The following TIE1 variants were observed in gnomAD, a reference collection of about 807,000 sequenced individuals.
TIE1 encodes tyrosine-protein kinase receptor Tie-1.
Under a neutral mutation model 130.5 loss-of-function variants are expected in TIE1, and 89 were observed. The ratio of observed to expected loss-of-function variants is 0.68; its 90% confidence interval spans 0.57 to 0.81. The LOEUF is 0.81. Among genes scored for constraint, TIE1 ranks in the 40% least tolerant of loss-of-function variants. The pLI, the probability that TIE1 is intolerant of heterozygous loss-of-function variation, is 0.00. For synonymous variants in TIE1, 568 were observed against 629.4 expected, an observed-to-expected ratio of 0.90 and a Z score of 1.46; for missense variants, 1,392 against 1,559.8, an observed-to-expected ratio of 0.89 and a Z score of 1.81.
chr1:43,318,000 C>A lies in TIE1; in HGVS notation c.2850C>A (p.Thr950=), dbSNP rs138275803. 14 of 1,601,944 alleles carry A rather than the reference C, an allele frequency of 8.7e-6. No homozygotes were observed. The highest frequency in any genetic ancestry group is 4.5e-5 in the East Asian group (2 of 44,752). Residue 950 remains threonine, a synonymous_variant, in exon 17 of 23, where the codon ACC becomes ACA. Transcript: ENST00000372476. The surrounding 1 kb of genome is among the most constrained non-coding windows in gnomAD (Gnocchi z 5.1). ...AFAREHGTAS[T]LSSRQLLRFA... ...CTCGAGAGCATGGGACAGCCTCTACCCTTAGCTCCCGGCAGCTGCTGCGTT... is the reference window on the plus strand; with the variant it reads ...CTCGAGAGCATGGGACAGCCTCTACACTTAGCTCCCGGCAGCTGCTGCGTT...
rs1646801438 is a variant in TIE1 at position 43,312,064 on chromosome 1, G to C, written c.1563G>C (p.Leu521=). The part of the protein sequence containing the change: ...PKTGYSVRVQ[L]SRPGEGGEGA... ...CAGGATACAGTGTTCGTGTGCAGCT[G>C]AGCCGGCCAGGGGAAGGAGGAGAGG... The change falls in exon 11 of 23, where the codon CTG becomes CTC. Residue 521 remains leucine (L), a synonymous_variant. Coordinates refer to ENST00000372476, the MANE Select transcript of TIE1 (RefSeq NM_005424.5). The surrounding 1 kb of genome is among the most constrained non-coding windows in gnomAD (Gnocchi z 5.6). 1 of 1,606,502 alleles carries C rather than the reference G, an allele frequency of 6.2e-7. No homozygotes were observed. The highest frequency in any genetic ancestry group is 1.3e-5 in the African/African-American group (1 of 74,768).
chr1:43,310,899 T>C (rs900843319), intron 9 of TIE1, among the ~76,000 whole-genome samples: 1 of 152,162 alleles, frequency 6.6e-6, no homozygotes, highest in African/African-American at 2.4e-5. Flanking sequence ...TCCCTCCCTC[T>C]TTCCTTCCTT....
chr1:43,311,790 C>T lies in TIE1; in HGVS notation c.1453C>T (p.Arg485Trp), dbSNP rs757030245. The change falls in exon 10 of 23, where the codon CGG becomes TGG. Residue 485 changes from arginine (R) to tryptophan (W), a missense_variant. Arg to Trp is a moderately radical substitution (Grantham distance 101). Transcript: ENST00000372476. ...CATCTCCACTGTCCGCCTGCACTAC[C>T]GGCCCCAGGACAGTACCATGGACTG... The part of the protein sequence containing the change: ...GPISTVRLHY[R>W]PQDSTMDWST... The T allele has an allele frequency of 5.9e-5, 95 of 1,613,996 alleles. No individual in the cohort carries two copies. Among genetic ancestry groups the T allele is most frequent in the Non-Finnish European group, 7.8e-5 (92 of 1,179,994 alleles).
rs764917501 is a variant in TIE1 at position 43,307,811 on chromosome 1, A to G, written c.929A>G (p.His310Arg). 8 of 1,613,800 alleles carry G rather than the reference A, an allele frequency of 5.0e-6. No homozygotes were observed. The highest frequency in any genetic ancestry group is 1.6e-4 in the Middle Eastern group (1 of 6,084). Residue 310 changes from histidine to arginine, a missense_variant, in exon 7 of 23, where the codon CAT (histidine) becomes CGT (arginine). Physicochemically the swap from His to Arg is conservative, Grantham distance 29. Around this residue, in one of 6 missense-constraint regions of TIE1, gnomAD observed 28 missense variants for 54.7 expected, o/e 0.51. Transcript: ENST00000372476. This position sits in a 1 kb window ranked among gnomAD's most constrained non-coding sequence, Gnocchi z 5.4. The stretch of plus-strand genomic sequence containing the variant: ...CTATTCCCAGCTTGTGCCCCTGGTC[A>G]TTTTGGGGCTGATTGCCGACTCCAG... ...SQCQEACAPG[H>R]FGADCRLQCQ...
In TIE1 at chr1:43,318,194, T is replaced by A. The variant is rs1646880133; in HGVS notation, c.2922+122T>A. 6.3e-6 allele frequency: 8 copies of A among 1,277,646 alleles called. No individual in the cohort carries two copies. Among genetic ancestry groups the A allele is most frequent in the Non-Finnish European group, 8.4e-6 (8 of 950,002 alleles). 79.1% of individuals were successfully genotyped at this position (1,277,646 alleles called of 1,614,324 possible). ...GAGGTTCCTGGCCCAAGTGTGTGGG[T>A]GGGTGCAAGCACAGCGAGGAGGCAG... On this transcript the variant is annotated intron_variant, in intron 17 of 22. Coordinates refer to ENST00000372476, the MANE Select transcript of TIE1 (RefSeq NM_005424.5). The surrounding 1 kb of genome is among the most constrained non-coding windows in gnomAD (Gnocchi z 4.4).
In TIE1 at chr1:43,304,857, C is replaced by G; in HGVS notation, c.65C>G (p.Ala22Gly). 1 of 1,420,126 alleles carries G rather than the reference C, an allele frequency of 7.0e-7. No individual in the cohort carries two copies. Among genetic ancestry groups the G allele is most frequent in the East Asian group, 2.6e-5 (1 of 37,770 alleles). 88.0% of individuals were successfully genotyped at this position (1,420,126 alleles called of 1,614,324 possible). Residue 22 changes from alanine to glycine, a missense_variant, in exon 2 of 23, where the codon GCG (alanine) becomes GGG (glycine). By Grantham distance (60) the Ala-to-Gly change is moderately conservative. Transcript: ENST00000372476. ...ILFLASHVGA[A>G]VDLTLLANLR... Reference sequence around the variant, plus strand: ...ACTGGTGTCCTGGCCCCAGGCGCGGCGGTGGACCTGACGCTGCTGGCCAAC... The same window carrying G: ...ACTGGTGTCCTGGCCCCAGGCGCGGGGGTGGACCTGACGCTGCTGGCCAAC...
In TIE1 at chr1:43,312,408, C is replaced by T. The variant is rs1271833051; in HGVS notation, c.1734C>T (p.Asp578=). ...TGGTGCCCGGGCCACTGGTGGGCGA[C>T]GGTTTCCTGCTGCGCCTGTGGGACG... ...LPLVPGPLVG[D]GFLLRLWDGT... is the part of the protein sequence containing the mutation. The change falls in exon 12 of 23, where the codon GAC becomes GAT. Residue 578 remains aspartate (D), a synonymous_variant. Transcript: ENST00000372476. This position sits in a 1 kb window ranked among gnomAD's most constrained non-coding sequence, Gnocchi z 5.6. 2.7e-5 allele frequency: 43 copies of T among 1,608,362 alleles called. No homozygotes were observed. The highest frequency in any genetic ancestry group is 3.7e-5 in the Non-Finnish European group (43 of 1,177,654).
At position 43,317,648 on chromosome 1, in the gene TIE1, A is replaced by G; in HGVS notation, c.2705A>G (p.Asn902Ser). The G allele has an allele frequency of 6.3e-7, 1 of 1,599,656 alleles. No homozygotes were observed. The highest frequency in any genetic ancestry group is 8.5e-7 in the Non-Finnish European group (1 of 1,171,760). Residue 902 changes from asparagine to serine, a missense_variant, in exon 16 of 23, where the codon AAC (asparagine) becomes AGC (serine). Asn to Ser is a conservative substitution (Grantham distance 46). This residue lies in a region of TIE1 where 286 missense variants were observed against 354.4 expected (regional missense o/e 0.81). Transcript: ENST00000372476. The surrounding 1 kb of genome is among the most constrained non-coding windows in gnomAD (Gnocchi z 5.1). Reference protein sequence around the residue: ...CKLGHHPNIINLLGACKNRGY... With the variant: ...CKLGHHPNIISLLGACKNRGY... ...TTGGGGCATCACCCCAACATCATCA[A>G]CCTCCTGGGGGCCTGTAAGAACCGA...
intron 1 of TIE1, among the ~76,000 whole-genome samples, chr1:43,301,551 G>T (rs1309212226): frequency 2.0e-5 from 3 of 152,188 alleles, no homozygotes; most frequent in Non-Finnish European, 2.9e-5. Flanking sequence ...AATCACATTG[G>T]GTTATATGCT....
Position 43,313,707 on chromosome 1 carries a change from G to A in TIE1, c.2219-71G>A. 1 of 1,483,514 alleles carries A rather than the reference G, an allele frequency of 6.7e-7. No homozygotes were observed. The highest frequency in any genetic ancestry group is 9.1e-7 in the Non-Finnish European group (1 of 1,101,400). 91.9% of individuals were successfully genotyped at this position (1,483,514 alleles called of 1,614,324 possible). ...TGGGATCTTTCACCTCTCCCTCTGT[G>A]TAACCCCATGGTGGCCTCTGGGTTC... is the stretch of plus-strand genomic sequence containing the variant. On this transcript the variant is annotated intron_variant, in intron 13 of 22. Transcript: ENST00000372476. The surrounding 1 kb of genome is among the most constrained non-coding windows in gnomAD (Gnocchi z 6.2).
In TIE1 at chr1:43,313,380, C is replaced by A. The variant is rs1449157900; in HGVS notation, c.2173C>A (p.Leu725Ile). The change falls in exon 13 of 23, where the codon CTC becomes ATC. Residue 725 changes from leucine (L) to isoleucine (I), a missense_variant. Physicochemically the swap from Leu to Ile is conservative, Grantham distance 5 (BLOSUM62 2). Transcript: ENST00000372476. The surrounding 1 kb of genome is among the most constrained non-coding windows in gnomAD (Gnocchi z 6.2). ...LFRMRASIQG[L>I]GDWSNTVEES... The stretch of plus-strand genomic sequence containing the variant: ...CCGCATGCGGGCCAGCATTCAGGGG[C>A]TCGGGGACTGGAGCAACACAGTAGA... 2 of 1,614,042 alleles carry A rather than the reference C, an allele frequency of 1.2e-6. No individual in the cohort carries two copies. Among genetic ancestry groups the A allele is most frequent in the Middle Eastern group, 1.7e-4 (1 of 6,060 alleles).
rs1248221676 is a variant in TIE1, at chr1:43,315,586, A to G, written c.2410-1613A>G. Among the ~76,000 whole-genome samples, 2 of 152,118 alleles carry G rather than the reference A, an allele frequency of 1.3e-5. No homozygotes were observed. The highest frequency in any genetic ancestry group is 1.9e-4 in the East Asian group (1 of 5,156). On this transcript the variant is annotated intron_variant, in intron 14 of 22. Coordinates refer to ENST00000372476, the MANE Select transcript of TIE1 (RefSeq NM_005424.5). The surrounding 1 kb of genome is among the most constrained non-coding windows in gnomAD (Gnocchi z 4.4). ...GGAGAACTGCTTGAACCCGGATGGC[A>G]GAGGTTGCAGTGAGCCAATATCACG...
In TIE1 at chr1:43,322,738, G is replaced by C; in HGVS notation, c.*16G>C. 6.2e-7 allele frequency: 1 copy of C among 1,612,634 alleles called. No homozygotes were observed. Among genetic ancestry groups the C allele is most frequent in the Non-Finnish European group, 8.5e-7 (1 of 1,179,504 alleles). ...GGAGGCCTGAGCTGCCATCCAGCCA[G>C]AACGTGGCTCTGCTGGCCGGAGCAA... On this transcript the variant is annotated 3_prime_UTR_variant, in exon 23 of 23. Coordinates refer to ENST00000372476, the MANE Select transcript of TIE1 (RefSeq NM_005424.5). The surrounding 1 kb of genome is among the most constrained non-coding windows in gnomAD (Gnocchi z 4.0).
intron 1 of TIE1, 141 bp downstream of exon 1, chr1:43,301,270 G>A (rs188493411): frequency 4.4e-6 from 4 of 905,740 alleles, no homozygotes; most frequent in African/African-American, 3.4e-5. Context: ...GGGGAGTTTT[G>A]TTTAAAAGGT....
Position 43,313,767 on chromosome 1 carries a change from ACT to A in TIE1, c.2219-10_2219-9del. On this transcript the variant is annotated splice_polypyrimidine_tract_variant and intron_variant, in intron 13 of 22. Coordinates refer to ENST00000372476, the MANE Select transcript of TIE1 (RefSeq NM_005424.5). This position sits in a 1 kb window ranked among gnomAD's most constrained non-coding sequence, Gnocchi z 6.2. ...GGTGTCCCCACAATCTGCCCCTCTCACTGTGTCCAGGGCTGCAGGCTGAGGGC... is the reference window on the plus strand; with the variant it reads ...GGTGTCCCCACAATCTGCCCCTCTCAGTGTCCAGGGCTGCAGGCTGAGGGC... 6.2e-7 allele frequency: 1 copy of A among 1,604,582 alleles called. No homozygotes were observed. Among genetic ancestry groups the A allele is most frequent in the South Asian group, 1.1e-5 (1 of 90,222 alleles).
intron 3 of TIE1, among the ~76,000 whole-genome samples, chr1:43,305,844 C>T (rs1029749456): frequency 6.6e-6 from 1 of 152,196 alleles, no homozygotes; most frequent in African/African-American, 2.4e-5. Flanking sequence ...CCACCCTGAC[C>T]CTTTGGCCAC....
rs1295982158 is a variant in TIE1, at chr1:43,312,749, C to T, written c.1927+148C>T. 7.3e-6 allele frequency: 7 copies of T among 954,590 alleles called. No homozygotes were observed. The highest frequency in any genetic ancestry group is 1.7e-5 in the African/African-American group (1 of 60,492). 59.1% of individuals were successfully genotyped at this position (954,590 alleles called of 1,614,324 possible). ...ACATAGGGTATTAGGCAGACGTGACCCCAGCGGGGACATGGGACTTGGGGA... is the reference window on the plus strand; with the variant it reads ...ACATAGGGTATTAGGCAGACGTGACTCCAGCGGGGACATGGGACTTGGGGA... On this transcript the variant is annotated intron_variant, in intron 12 of 22. Transcript: ENST00000372476. This position sits in a 1 kb window ranked among gnomAD's most constrained non-coding sequence, Gnocchi z 5.6.
intron 7 of TIE1, chr1:43,308,728 G>A (rs1454199515): frequency 1.7e-6 from 1 of 582,044 alleles, no homozygotes; most frequent in Non-Finnish European, 3.2e-6. Context: ...CTAGTGTGCT[G>A]GCTGGGAGGA....
In TIE1 at chr1:43,322,595, T is replaced by C; in HGVS notation, c.3346-56T>C. On this transcript the variant is annotated intron_variant, in intron 22 of 22. Transcript: ENST00000372476. The surrounding 1 kb of genome is among the most constrained non-coding windows in gnomAD (Gnocchi z 4.0). ...CCCCACCACATGGAAGTCCAGGAGCTTGAGGCCAGATGCACCCCCATTCCT... is the reference window on the plus strand; with the variant it reads ...CCCCACCACATGGAAGTCCAGGAGCCTGAGGCCAGATGCACCCCCATTCCT... The C allele has an allele frequency of 6.8e-7, 1 of 1,460,538 alleles. No individual in the cohort carries two copies. Among genetic ancestry groups the C allele is most frequent in the Non-Finnish European group, 9.6e-7 (1 of 1,042,410 alleles). 90.5% of individuals were successfully genotyped at this position (1,460,538 alleles called of 1,614,324 possible).
Sources: allele counts gnomAD v4.1 joint callset (sites outside exome capture counted in the v4.1 genomes callset), GRCh38; gene constraint gnomAD v4.1.1; regional missense constraint gnomAD v4.1.1; non-coding constraint Gnocchi (gnomAD v3.1); transcripts MANE v1.5; gene names NCBI Gene and HGNC (gene_info 2026-07-23, HGNC 2026-07-21).